Variants in STARD3NL observed in about 807,000 individuals in gnomAD.
The protein encoded by STARD3NL is STARD3 N-terminal like, also known as STARD3 N-terminal-like protein.
A neutral mutation model predicts 30.9 loss-of-function variants in STARD3NL; 17 were observed. The observed-to-expected ratio is 0.55, with a 90% confidence interval of 0.38 to 0.82. The LOEUF is 0.82. Ranked by LOEUF, STARD3NL falls within the 40% of genes least tolerant of loss-of-function variation. The probability of loss-of-function intolerance (pLI) is 0.00; values close to 1 mark genes in which losing one functional copy is unlikely to be tolerated. For missense variants in STARD3NL, 234 were observed against 277.6 expected, an observed-to-expected ratio of 0.84 and a Z score of 1.12; for synonymous variants, 112 against 100.5, an observed-to-expected ratio of 1.11 and a Z score of -0.69.
chr7:38,202,463 G>A (rs898177901), intron 1 of STARD3NL, among the ~76,000 whole-genome samples: 4 of 151,984 alleles, frequency 2.6e-5, no homozygotes, highest in Admixed American at 2.6e-4. Flanking sequence ...TATAACAAGT[G>A]CAAAAAGTGT....
At chr7:38,226,949 C>T (rs1430839408) in intron 7 of STARD3NL, among the ~76,000 whole-genome samples, 2 of 152,234 alleles carry the variant, frequency 1.3e-5, no homozygotes, top group South Asian at 4.1e-4. Context: ...CAAGACACAA[C>T]TGCTATTCCC....
chr7:38,217,151 G>A, intron 5 of STARD3NL, 37 bp from the exon 6 acceptor site: 1 of 1,613,718 alleles, frequency 6.2e-7, no homozygotes, highest in South Asian at 1.1e-5. Flanking sequence ...GTGAGTTTGT[G>A]GTAACTGCAT....
intron 1 of STARD3NL, among the ~76,000 whole-genome samples, chr7:38,181,357 A>C (rs9638935): frequency 0.22 from 34,078 of 152,112 alleles, 3,858 homozygotes; most frequent in Middle Eastern, 0.26. Flanking sequence ...GGTCAGTGAT[A>C]TAACTTCTTT....
intron 6 of STARD3NL, 101 bp from the exon 7 acceptor site, chr7:38,219,464 A>T: frequency 1.4e-6 from 1 of 739,074 alleles, no homozygotes; most frequent in Admixed American, 2.4e-5. Flanking sequence ...TTCTAAAGGT[A>T]TTTCATTGTA....
intron 1 of STARD3NL, among the ~76,000 whole-genome samples, chr7:38,184,985 G>T (rs890287800): frequency 2.0e-5 from 3 of 151,700 alleles, no homozygotes; most frequent in African/African-American, 7.3e-5. Context: ...TACTACTTTT[G>T]TTGTATTCTC....
chr7:38,206,009 A>T (rs1785448794), intron 1 of STARD3NL, among the ~76,000 whole-genome samples: 1 of 152,220 alleles, frequency 6.6e-6, no homozygotes. Context: ...TTGCCTTCAT[A>T]AATGCTGTGC....
At chr7:38,191,653 A>T (rs1290562475) in intron 1 of STARD3NL, among the ~76,000 whole-genome samples, 1 of 152,164 alleles carries the variant, frequency 6.6e-6, no homozygotes, top group Non-Finnish European at 1.5e-5. Context: ...TATTTTCACC[A>T]TTGGATTACT....
chr7:38,192,142 T>C (rs941781750), intron 1 of STARD3NL, among the ~76,000 whole-genome samples: 2 of 152,242 alleles, frequency 1.3e-5, no homozygotes, highest in Non-Finnish European at 2.9e-5. Flanking sequence ...TTTGATGCTA[T>C]TTTAAATGGC....
chr7:38,221,728 G>A (rs554652754), intron 7 of STARD3NL, among the ~76,000 whole-genome samples: 7 of 152,348 alleles, frequency 4.6e-5, no homozygotes, highest in South Asian at 4.1e-4. Flanking sequence ...AAAGAAATCA[G>A]TAGATCTTAG....
Position 38,217,174 on chromosome 7 carries a change from G to A in STARD3NL, c.436-14G>A, listed in dbSNP as rs374803024. The stretch of plus-strand genomic sequence containing the variant: ...GTGGTAACTGCATTTCCCTTTCCTG[G>A]TCGTATTTTCCAGCTTTTCTCTCAA... On this transcript the variant is annotated splice_polypyrimidine_tract_variant and intron_variant, in intron 5 of 8. Transcript: ENST00000009041. The A allele has an allele frequency of 6.2e-7, 1 of 1,613,720 alleles. No homozygotes were observed. Among genetic ancestry groups the A allele is most frequent in the African/African-American group, 1.3e-5 (1 of 74,866 alleles).
intron 1 of STARD3NL, among the ~76,000 whole-genome samples, chr7:38,192,210 C>T (rs75853741): frequency 0.1 from 15,499 of 152,088 alleles, 901 homozygotes; most frequent in East Asian, 0.18. Flanking sequence ...TCTTTTCCCA[C>T]TCCCCTGGAT....
At chr7:38,186,755 T>A (rs1027023890) in intron 1 of STARD3NL, among the ~76,000 whole-genome samples, 30 of 152,272 alleles carry the variant, frequency 2.0e-4, no homozygotes, top group Middle Eastern at 3.4e-3. Flanking sequence ...CTCTACCATC[T>A]AGGTTGTGTC....
In STARD3NL at chr7:38,191,534, G is replaced by C. The variant is rs114922954; in HGVS notation, c.-59+13114G>C. On this transcript the variant is annotated intron_variant, in intron 1 of 8. Transcript: ENST00000009041. Reference sequence around the variant, plus strand: ...TTGTATTTTTAATTTTTACGTTTAGGTCTGTAAATCGTCTTAAATTATTTT... The same window carrying C: ...TTGTATTTTTAATTTTTACGTTTAGCTCTGTAAATCGTCTTAAATTATTTT... Among the ~76,000 whole-genome samples the C allele has an allele frequency of 2.3e-3, 351 of 152,096 alleles. 3 individuals are homozygous for C. The highest frequency in any genetic ancestry group is 8.1e-3 in the African/African-American group (336 of 41,502).
intron 8 of STARD3NL, among the ~76,000 whole-genome samples, chr7:38,229,219 G>A (rs1786960602): frequency 6.6e-6 from 1 of 152,218 alleles, no homozygotes; most frequent in African/African-American, 2.4e-5. Flanking sequence ...TGAGATGCAG[G>A]TGCTGTTATC....
intron 1 of STARD3NL, among the ~76,000 whole-genome samples, chr7:38,180,772 T>C (rs1784213781): frequency 6.6e-6 from 1 of 152,230 alleles, no homozygotes; most frequent in Non-Finnish European, 1.5e-5. Context: ...TGTTTTATGA[T>C]GTGGCATTTT....
At chr7:38,219,346 C>T (rs769227809) in intron 6 of STARD3NL, among the ~76,000 whole-genome samples, 57 of 152,210 alleles carry the variant, frequency 3.7e-4, no homozygotes, top group Non-Finnish European at 7.1e-4. Flanking sequence ...CATGCCCAGT[C>T]TCATGAGGCA....
chr7:38,214,521 C>A, intron 3 of STARD3NL, 87 bp downstream of exon 3: 1 of 744,390 alleles, frequency 1.3e-6, no homozygotes, highest in Non-Finnish European at 2.2e-6. Flanking sequence ...ATTCCATGCC[C>A]TTTTTTCCTC....
Position 38,207,700 on chromosome 7 carries a change from G to A in STARD3NL, c.196G>A (p.Val66Ile), listed in dbSNP as rs996270147. The change falls in exon 2 of 9, where the codon GTA becomes ATA. Residue 66 changes from valine (V) to isoleucine (I), a missense_variant. Val to Ile is a conservative substitution (Grantham distance 29). Coordinates refer to ENST00000009041, the MANE Select transcript of STARD3NL (RefSeq NM_032016.4). Reference protein sequence around the residue: ...CLFVTFDLLFVTLLWIIELNV... With the variant: ...CLFVTFDLLFITLLWIIELNV... The stretch of plus-strand genomic sequence containing the variant: ...GTTTGTCACCTTTGACCTCTTATTC[G>A]TAACATTACTGTGGATAATAGAGTT... The A allele has an allele frequency of 1.2e-5, 20 of 1,613,862 alleles. No individual in the cohort carries two copies. The highest frequency in any genetic ancestry group is 5.5e-5 in the South Asian group (5 of 91,092).
chr7:38,227,815 T>C (rs1463478650), intron 7 of STARD3NL, among the ~76,000 whole-genome samples: 1 of 152,168 alleles, frequency 6.6e-6, no homozygotes, highest in Non-Finnish European at 1.5e-5. Context: ...TGTGTGTATG[T>C]GTGTGTGTCT....
Sources: allele counts gnomAD v4.1 joint callset (sites outside exome capture counted in the v4.1 genomes callset), GRCh38; gene constraint gnomAD v4.1.1; transcripts MANE v1.5; gene names NCBI Gene and HGNC (gene_info 2026-07-23, HGNC 2026-07-21).